The following PLB1 variants were observed in gnomAD, a reference collection of about 807,000 sequenced individuals.
PLB1 encodes the protein phospholipase B1, membrane-associated.
In PLB1, 242 loss-of-function variants were observed where a neutral mutation model predicts 227.4. The observed-to-expected ratio is 1.06, with a 90% confidence interval of 0.96 to 1.18. PLB1 has a LOEUF of 1.18. PLB1 is among the 50% of genes most tolerant of loss of function. PLB1 has a pLI of 0.00. For synonymous variants in PLB1, 757 were observed against 682.2 expected (o/e 1.11, Z -1.71); for missense variants, 1,858 against 1,816.3 (o/e 1.02, Z -0.42).
At chr2:28,542,374 C>G (rs1346572082) in intron 13 of PLB1, among the ~76,000 whole-genome samples, 2 of 152,118 alleles carry the variant, frequency 1.3e-5, no homozygotes, top group Non-Finnish European at 2.9e-5. Flanking sequence ...GGGTGCATGG[C>G]CTAGCTTCCC....
intron 56 of PLB1, among the ~76,000 whole-genome samples, chr2:28,636,961 A>ATT (rs1486305921): frequency 6.6e-6 from 1 of 152,042 alleles, no homozygotes; most frequent in Non-Finnish European, 1.5e-5. Context: ...CTCACTTATG[A>ATT]TTTGTACTCG....
At chr2:28,552,723 C>T (rs928676646) in intron 16 of PLB1, among the ~76,000 whole-genome samples, 3 of 152,100 alleles carry the variant, frequency 2.0e-5, no homozygotes, top group Admixed American at 2.0e-4. Context: ...GGCAGAGGCA[C>T]TGGAGCAGAG....
chr2:28,579,764 C>CGGT, intron 23 of PLB1, 57 bp downstream of exon 23: 1 of 1,430,180 alleles, frequency 7.0e-7, no homozygotes. Context: ...TTTCACAGCC[C>CGGT]GGTCACTTGC....
At chr2:28,518,380 A>G (rs1041179608) in intron 2 of PLB1, 86 bp from the exon 3 acceptor site, 11 of 1,028,076 alleles carry the variant, frequency 1.1e-5, no homozygotes, top group Non-Finnish European at 1.5e-5. Flanking sequence ...GAATGAGTAC[A>G]TGATCATTTC....
In PLB1 at chr2:28,520,574, G is replaced by A. The variant is rs528417130; in HGVS notation, c.243+811G>A. Among the ~76,000 whole-genome samples, 3 of 152,266 alleles carry A rather than the reference G, an allele frequency of 2.0e-5. No homozygotes were observed. The South Asian group carries it at 6.2e-4, about 32-fold the overall frequency. On this transcript the variant is annotated intron_variant, in intron 4 of 57. Coordinates refer to ENST00000327757, the MANE Select transcript of PLB1 (RefSeq NM_153021.5). Reference sequence around the variant, plus strand: ...CAGAACTTTTTCATTTAGCAAAACTGAAACACTCTACCCATGAAATAACAT... The same window carrying A: ...CAGAACTTTTTCATTTAGCAAAACTAAAACACTCTACCCATGAAATAACAT...
chr2:28,528,845 G>A (rs1269004431), intron 6 of PLB1, among the ~76,000 whole-genome samples: 1 of 152,108 alleles, frequency 6.6e-6, no homozygotes, highest in East Asian at 1.9e-4. Context: ...AGGCTACAGG[G>A]GTGGCCTCAC....
chr2:28,596,622 G>A (rs925854528), intron 33 of PLB1, among the ~76,000 whole-genome samples: 1 of 152,214 alleles, frequency 6.6e-6, no homozygotes, highest in Admixed American at 6.5e-5. Flanking sequence ...CTGATTGGGT[G>A]CCTTTAGTCC....
intron 26 of PLB1, 38 bp downstream of exon 26, chr2:28,585,880 C>T: frequency 6.7e-7 from 1 of 1,502,614 alleles, no homozygotes; most frequent in Non-Finnish European, 9.3e-7. Context: ...CCCAGAACTG[C>T]TGTGTGATTC....
At chr2:28,580,726 AG>A (rs1679785135) in intron 23 of PLB1, among the ~76,000 whole-genome samples, 2 of 146,196 alleles carry the variant, frequency 1.4e-5, no homozygotes, top group African/African-American at 5.1e-5. Flanking sequence ...AAAAAAAAAA[AG>A]CAAAGTTGCT....
At chr2:28,598,265 C>G (rs1035941086) in intron 34 of PLB1, among the ~76,000 whole-genome samples, 12 of 152,152 alleles carry the variant, frequency 7.9e-5, no homozygotes, top group African/African-American at 2.9e-4. Context: ...GTGCTTCAAT[C>G]CCTGGTGCTG....
At chr2:28,516,469 C>T (rs1031182344) in intron 1 of PLB1, among the ~76,000 whole-genome samples, 1 of 152,188 alleles carries the variant, frequency 6.6e-6, no homozygotes, top group Non-Finnish European at 1.5e-5. Flanking sequence ...GTTTGTCTGA[C>T]ATTACCTTCT....
rs1558934551 is a variant in PLB1 at position 28,620,429 on chromosome 2, C to T, written c.3383+97C>T. 6 of 1,366,560 alleles carry T rather than the reference C, an allele frequency of 4.4e-6. No homozygotes were observed. In the Admixed American group the frequency reaches 1.1e-4, roughly 26 times the overall value. 84.7% of individuals were successfully genotyped at this position (1,366,560 alleles called of 1,614,324 possible). A position where few individuals can be genotyped will look rare whatever the true frequency, so the allele number is the denominator to read the frequency against. ...CACCCCTCCAGGGATGCAGTTGGGT[C>T]CCCAGGTCCCAGCGCTGAGACAGGA... is the stretch of plus-strand genomic sequence containing the variant. On this transcript the variant is annotated intron_variant, in intron 47 of 57. Coordinates refer to ENST00000327757, the MANE Select transcript of PLB1 (RefSeq NM_153021.5).
chr2:28,550,117 G>T (rs552688514), intron 16 of PLB1, 33 bp downstream of exon 16: 2 of 1,523,944 alleles, frequency 1.3e-6, no homozygotes, highest in Non-Finnish European at 1.8e-6. Context: ...TGACAAACAT[G>T]CAGATGAACC....
intron 32 of PLB1, among the ~76,000 whole-genome samples, chr2:28,593,342 A>G (rs1168446838): frequency 6.6e-6 from 1 of 152,272 alleles, no homozygotes; most frequent in Admixed American, 6.5e-5. Context: ...GTAGGGGCAT[A>G]ACGCTGGGAA....
chr2:28,626,354 G>A (rs1687771507), intron 50 of PLB1, 74 bp from the exon 51 acceptor site: 1 of 1,280,430 alleles, frequency 7.8e-7, no homozygotes, highest in African/African-American at 1.5e-5. Flanking sequence ...TGGAGGGCGG[G>A]CGGGCTGGCC....
chr2:28,568,990 A>G (rs77998999), intron 20 of PLB1, among the ~76,000 whole-genome samples: 12,798 of 152,212 alleles, frequency 0.084, 1,204 homozygotes, highest in African/African-American at 0.23. Flanking sequence ...CGCTCAGGTG[A>G]TTTCACAGTC....
chr2:28,516,950 T>G, intron 2 of PLB1, 81 bp downstream of exon 2: 1 of 1,391,918 alleles, frequency 7.2e-7, no homozygotes, highest in Non-Finnish European at 1.0e-6. Flanking sequence ...AACCCAAGTT[T>G]TGGTGCAAGT....
At chr2:28,556,393 T>G (rs1675125987) in intron 17 of PLB1, among the ~76,000 whole-genome samples, 1 of 152,158 alleles carries the variant, frequency 6.6e-6, no homozygotes, top group Non-Finnish European at 1.5e-5. Flanking sequence ...ATGAGATACA[T>G]AGAGTTAATG....
chr2:28,565,383 G>A, intron 19 of PLB1, 30 bp downstream of exon 19: 1 of 1,580,470 alleles, frequency 6.3e-7, no homozygotes, highest in Non-Finnish European at 8.6e-7. Context: ...GGCCCCAAAG[G>A]CCCCTTCATT....
Sources: allele counts gnomAD v4.1 joint callset (sites outside exome capture counted in the v4.1 genomes callset), GRCh38; gene constraint gnomAD v4.1.1; transcripts MANE v1.5; gene names NCBI Gene and HGNC (gene_info 2026-07-23, HGNC 2026-07-21).